CENPP: variants seen among roughly 807,000 people sequenced by gnomAD.
CENPP encodes the protein centromere protein P.
In CENPP, 24 loss-of-function variants were observed where a neutral mutation model predicts 35.6. The ratio of observed to expected loss-of-function variants is 0.67; its 90% CI spans 0.49 to 0.95. The LOEUF is 0.95. CENPP is among the 40% of genes least tolerant of loss of function. CENPP has a pLI of 0.00. For synonymous variants in CENPP, 120 were observed against 125.5 expected (o/e 0.96, Z 0.29); for missense variants, 332 against 345.3 (o/e 0.96, Z 0.31).
chr9:92,425,927 T>G (rs914771667), intron 5 of CENPP, among the ~76,000 whole-genome samples: 6 of 152,238 alleles, frequency 3.9e-5, no homozygotes, highest in Admixed American at 2.6e-4. Context: ...TTTTGGAAGA[T>G]TAACTGAAAA....
At position 92,521,860 on chromosome 9, in the gene CENPP, TA is replaced by T. The variant is rs527388928; in HGVS notation, c.565-89453del. On this transcript the variant is annotated intron_variant, in intron 5 of 7. Coordinates refer to ENST00000375587, the MANE Select transcript of CENPP (RefSeq NM_001012267.3). ...ATTTATTTCTGTATTCTAGATGATC[TA>T]TTGTTATAAATGGAAAGGTAGTTTA... Among the ~76,000 whole-genome samples, 378 of 152,320 alleles carry T rather than the reference TA, an allele frequency of 2.5e-3. 1 individual carries two copies. Among genetic ancestry groups the T allele is most frequent in the African/African-American group, 8.7e-3 (361 of 41,590 alleles).
chr9:92,371,473 G>C (rs149723493), intron 4 of CENPP, among the ~76,000 whole-genome samples: 1 of 152,152 alleles, frequency 6.6e-6, no homozygotes, highest in Non-Finnish European at 1.5e-5. Context: ...GTTCTGAGAA[G>C]ACACATGCTA....
intron 1 of CENPP, among the ~76,000 whole-genome samples, chr9:92,331,125 G>T (rs1362100580): frequency 6.6e-6 from 1 of 152,150 alleles, no homozygotes; most frequent in South Asian, 2.1e-4. Flanking sequence ...AAAACGTTCT[G>T]TGGTGTTTAC....
chr9:92,402,337 G>T (rs1843149263), intron 5 of CENPP, among the ~76,000 whole-genome samples: 1 of 152,118 alleles, frequency 6.6e-6, no homozygotes, highest in African/African-American at 2.4e-5. Flanking sequence ...CTGCAAAAAA[G>T]AAAAGAGAAA....
At chr9:92,494,225 TCTG>T in intron 5 of CENPP, 2 of 1,471,956 alleles carry the variant, frequency 1.4e-6, no homozygotes, top group South Asian at 2.4e-5. Context: ...AGATGCTAGT[TCTG>T]CTGACTCACC....
In CENPP at chr9:92,379,839, C is replaced by T. The variant is rs74959855; in HGVS notation, c.544C>T (p.Arg182Cys). ...FFVEWFEYRK[R>C]TFKHLKEKYP... ...TGTGGAGTGGTTTGAATATCGTAAGCGCACGTTTAAACATCTCAAGGTAAA... is the reference window on the plus strand; with the variant it reads ...TGTGGAGTGGTTTGAATATCGTAAGTGCACGTTTAAACATCTCAAGGTAAA... Residue 182 changes from arginine (R) to cysteine (C), a missense_variant, in exon 5 of 8, where the codon CGC (arginine) becomes TGC (cysteine). Coordinates refer to ENST00000375587, the MANE Select transcript of CENPP (RefSeq NM_001012267.3). 1.2e-4 allele frequency: 196 copies of T among 1,610,462 alleles called. 1 individual carries two copies. In the East Asian group the frequency reaches 2.8e-3, roughly 23 times the overall value.
At chr9:92,603,080 C>T (rs1850969891) in intron 5 of CENPP, among the ~76,000 whole-genome samples, 2 of 152,198 alleles carry the variant, frequency 1.3e-5, no homozygotes, top group East Asian at 1.9e-4. Context: ...TAAGCCACCA[C>T]ACCCAGCCTC....
intron 5 of CENPP, among the ~76,000 whole-genome samples, chr9:92,483,524 G>A (rs1845978807): frequency 1.3e-5 from 2 of 152,066 alleles, no homozygotes; most frequent in South Asian, 2.1e-4. Context: ...CACCATGGCC[G>A]GCCTGAGAGG....
At chr9:92,417,450 C>T in intron 5 of CENPP, 1 of 1,613,990 alleles carries the variant, frequency 6.2e-7, no homozygotes, top group South Asian at 1.1e-5. Flanking sequence ...TGGTAATCAT[C>T]ATCTGGCTCT....
At chr9:92,422,189 T>A (rs575589100) in intron 5 of CENPP, among the ~76,000 whole-genome samples, 22 of 152,232 alleles carry the variant, frequency 1.4e-4, no homozygotes, top group Non-Finnish European at 2.6e-4. Context: ...TAGCTGGGAT[T>A]ACAGGCGTGC....
chr9:92,404,014 A>C (rs1325497900), intron 5 of CENPP, among the ~76,000 whole-genome samples: 1 of 152,198 alleles, frequency 6.6e-6, no homozygotes, highest in Non-Finnish European at 1.5e-5. Flanking sequence ...TTAATAGGTG[A>C]TCATAATTTT....
chr9:92,609,625 G>A (rs926907582), intron 5 of CENPP, among the ~76,000 whole-genome samples: 2 of 152,260 alleles, frequency 1.3e-5, no homozygotes, highest in Non-Finnish European at 2.9e-5. Flanking sequence ...GTCTCTCAGA[G>A]ACTAGCCCTA....
At chr9:92,386,728 G>T (rs1327754020) in intron 5 of CENPP, among the ~76,000 whole-genome samples, 1 of 152,050 alleles carries the variant, frequency 6.6e-6, no homozygotes, top group African/African-American at 2.4e-5. Context: ...TAGCTAAGTG[G>T]TTACTTCTTA....
rs893096997 is a variant in CENPP, at chr9:92,615,623, C to T, written c.*2474C>T. The T allele has an allele frequency of 1.6e-5, 9 of 548,618 alleles. No homozygotes were observed. Among genetic ancestry groups the T allele is most frequent in the Admixed American group, 3.1e-5 (1 of 31,782 alleles). The allele number at this position is 548,618 out of a possible 1,614,324, so 34.0% of individuals were successfully genotyped here. The stretch of plus-strand genomic sequence containing the variant: ...CCATTTTAAGAGTGTGAGCAGCTTC[C>T]TGGGACACAGCACTCACTTCCTACA... On this transcript the variant is annotated 3_prime_UTR_variant, in exon 8 of 8. Coordinates refer to ENST00000375587, the MANE Select transcript of CENPP (RefSeq NM_001012267.3).
intron 5 of CENPP, among the ~76,000 whole-genome samples, chr9:92,515,447 T>C (rs1453275757): frequency 6.6e-6 from 1 of 152,232 alleles, no homozygotes; most frequent in African/African-American, 2.4e-5. Context: ...ATTAAATAAC[T>C]TAATGCTTAT....
intron 5 of CENPP, among the ~76,000 whole-genome samples, chr9:92,445,411 A>G (rs991307059): frequency 6.6e-6 from 1 of 151,558 alleles, no homozygotes; most frequent in Non-Finnish European, 1.5e-5. Flanking sequence ...AGTCTTCCTG[A>G]TGTCGTGGTC....
intron 5 of CENPP, among the ~76,000 whole-genome samples, chr9:92,490,895 A>G (rs1424843933): frequency 6.6e-6 from 1 of 152,156 alleles, no homozygotes; most frequent in African/African-American, 2.4e-5. Flanking sequence ...TTCTGTGAAA[A>G]TCCTTAAATT....
chr9:92,457,453 T>C (rs1198870133), intron 5 of CENPP: 15 of 1,612,526 alleles, frequency 9.3e-6, no homozygotes, highest in Non-Finnish European at 1.1e-5. Flanking sequence ...TTACTCCCAC[T>C]CTTGCAATTG....
intron 5 of CENPP, among the ~76,000 whole-genome samples, chr9:92,550,542 A>G (rs756385808): frequency 2.7e-5 from 4 of 150,556 alleles, no homozygotes; most frequent in Non-Finnish European, 3.0e-5. Context: ...GTTTTCTTAG[A>G]CCTGTTTTTT....
Sources: gnomAD v4.1 joint callset for allele counts (sites outside exome capture counted in the v4.1 genomes callset) on GRCh38, gnomAD v4.1.1 for gene constraint, MANE v1.5 for transcripts, NCBI Gene and HGNC (gene_info 2026-07-23, HGNC 2026-07-21) for gene names.